Variants in DLGAP2 observed in about 807,000 individuals in gnomAD.
The protein encoded by DLGAP2 is disks large-associated protein 2.
A neutral mutation model predicts 100.3 loss-of-function variants in DLGAP2; 26 were observed. The ratio of observed to expected loss-of-function variants is 0.26; its 90% CI spans 0.19 to 0.36. The LOEUF is 0.36. Among genes scored for constraint, DLGAP2 ranks in the 10% least tolerant of loss-of-function variants. The pLI is 1.00. For synonymous variants in DLGAP2, 886 were observed against 630.1 expected (o/e 1.41, Z -6.08); for missense variants, 1,858 against 1,453.2 (o/e 1.28, Z -4.53).
At chr8:1,349,457 C>T (rs1017901133) in intron 3 of DLGAP2, among the ~76,000 whole-genome samples, 2 of 105,268 alleles carry the variant, frequency 1.9e-5, no homozygotes, top group Admixed American at 9.9e-5. Context: ...CAGCCTCCTG[C>T]CCACATCCAC....
chr8:1,419,319 ATACGTG>A (rs1312359229), intron 3 of DLGAP2, among the ~76,000 whole-genome samples: 1 of 93,598 alleles, frequency 1.1e-5, no homozygotes, highest in Non-Finnish European at 2.0e-5. Context: ...TTACACTCTG[ATACGTG>A]TGTGTGTGTG....
chr8:1,595,668 C>T (rs1260848498), intron 6 of DLGAP2, among the ~76,000 whole-genome samples: 8 of 87,976 alleles, frequency 9.1e-5, no homozygotes, highest in African/African-American at 2.2e-4. Flanking sequence ...AGCGAGACTC[C>T]GTCTCAAAAA....
rs1799650975 is a variant in DLGAP2, at chr8:1,704,422, G to C, written c.*3016G>C. ...GCTGTGGTTAATAAAACACAAGTAT[G>C]ATAAACAGGACCTAGCGTTTAGCCC... On this transcript the variant is annotated 3_prime_UTR_variant, in exon 15 of 15. Transcript: ENST00000637795. The C allele has an allele frequency of 6.6e-6, 1 of 152,232 alleles. No homozygotes were observed. Among genetic ancestry groups the C allele is most frequent in the East Asian group, 1.9e-4 (1 of 5,192 alleles). The allele number at this position is 152,232 out of a possible 1,614,324, so 9.4% of individuals were successfully genotyped here.
At chr8:1,695,394 C>T (rs1343581329) in intron 13 of DLGAP2, among the ~76,000 whole-genome samples, 2 of 139,456 alleles carry the variant, frequency 1.4e-5, no homozygotes, top group African/African-American at 6.1e-5. Flanking sequence ...GGGGGCACAG[C>T]CTTACCCGGC....
At chr8:928,277 G>A (rs901944993) in intron 2 of DLGAP2, among the ~76,000 whole-genome samples, 1 of 152,304 alleles carries the variant, frequency 6.6e-6, no homozygotes, top group East Asian at 1.9e-4. Flanking sequence ...CCTGGACACG[G>A]TTTACCGAGG....
At chr8:1,195,496 C>G (rs970079433) in intron 2 of DLGAP2, among the ~76,000 whole-genome samples, 1 of 152,202 alleles carries the variant, frequency 6.6e-6, no homozygotes, top group African/African-American at 2.4e-5. Context: ...ACTGAGAAAA[C>G]AATTGTTTCC....
intron 1 of DLGAP2, among the ~76,000 whole-genome samples, chr8:815,610 G>A (rs547069364): frequency 3.9e-5 from 6 of 152,252 alleles, no homozygotes; most frequent in African/African-American, 7.2e-5. Flanking sequence ...AAACAACTTG[G>A]TAAAGAAAAT....
At chr8:1,631,900 C>G (rs893394164) in intron 7 of DLGAP2, among the ~76,000 whole-genome samples, 1 of 152,200 alleles carries the variant, frequency 6.6e-6, no homozygotes, top group African/African-American at 2.4e-5. Context: ...TTGACCTTGC[C>G]TTTTACTCTG....
At chr8:1,417,693 G>GGCAACGGGGA (rs1796960141) in intron 3 of DLGAP2, among the ~76,000 whole-genome samples, 1 of 93,098 alleles carries the variant, frequency 1.1e-5, no homozygotes, top group South Asian at 3.6e-4. Context: ...GGGCACAGGG[G>GGCAACGGGGA]GCCCCACTCC....
chr8:1,320,115 T>G (rs1800861189), intron 3 of DLGAP2, among the ~76,000 whole-genome samples: 3 of 149,730 alleles, frequency 2.0e-5, no homozygotes, highest in South Asian at 2.1e-4. Flanking sequence ...ACCATGAGAG[T>G]GAGGTGAGGA....
chr8:1,277,692 G>C (rs1799731529), intron 3 of DLGAP2, among the ~76,000 whole-genome samples: 1 of 152,154 alleles, frequency 6.6e-6, no homozygotes, highest in Non-Finnish European at 1.5e-5. Flanking sequence ...TGGGCTTCCA[G>C]GCTGGCAGCA....
intron 1 of DLGAP2, among the ~76,000 whole-genome samples, chr8:835,759 C>A (rs1298566721): frequency 1.3e-5 from 2 of 152,156 alleles, no homozygotes; most frequent in Non-Finnish European, 2.9e-5. Context: ...GTATTTATGG[C>A]TGTTAATTTA....
chr8:1,381,748 G>C (rs562361115), intron 3 of DLGAP2, among the ~76,000 whole-genome samples: 26 of 150,548 alleles, frequency 1.7e-4, no homozygotes, highest in African/African-American at 6.4e-4. Flanking sequence ...TGAATGCTGG[G>C]ATTTTCTTCC....
chr8:959,430 C>T (rs1799671119), intron 2 of DLGAP2, among the ~76,000 whole-genome samples: 1 of 152,236 alleles, frequency 6.6e-6, no homozygotes, highest in South Asian at 2.1e-4. Context: ...GATTTTCCCA[C>T]AGCCTTAGCT....
chr8:1,166,735 C>T (rs1202542756), intron 2 of DLGAP2, among the ~76,000 whole-genome samples: 1 of 152,076 alleles, frequency 6.6e-6, no homozygotes. Flanking sequence ...CAGTTTACCT[C>T]TCAATAAATT....
At chr8:1,315,136 G>T (rs62483957) in intron 3 of DLGAP2, among the ~76,000 whole-genome samples, 31,901 of 152,232 alleles carry the variant, frequency 0.21, 3,954 homozygotes, top group African/African-American at 0.32. Context: ...TTTGAGAAGA[G>T]TAAAGCTTCC....
intron 1 of DLGAP2, among the ~76,000 whole-genome samples, chr8:752,976 C>T (rs924065976): frequency 3.3e-5 from 5 of 152,316 alleles, no homozygotes; most frequent in Middle Eastern, 6.8e-3. Context: ...GCAGAAACTG[C>T]AGTCATTGTG....
chr8:1,594,751 A>G (rs1796397801), intron 6 of DLGAP2, among the ~76,000 whole-genome samples: 1 of 152,296 alleles, frequency 6.6e-6, no homozygotes, highest in Non-Finnish European at 1.5e-5. Context: ...AATGACTAAT[A>G]GAACTAGAGT....
intron 2 of DLGAP2, among the ~76,000 whole-genome samples, chr8:1,084,193 C>G (rs1803899683): frequency 6.6e-6 from 1 of 152,156 alleles, no homozygotes; most frequent in African/African-American, 2.4e-5. Flanking sequence ...TCTAGTCTGT[C>G]AAACTACCAA....
Sources: allele counts gnomAD v4.1 joint callset (sites outside exome capture counted in the v4.1 genomes callset), GRCh38; gene constraint gnomAD v4.1.1; transcripts MANE v1.5; gene names NCBI Gene and HGNC (gene_info 2026-07-23, HGNC 2026-07-21).